Variants in TMEM74 observed in about 807,000 individuals in gnomAD.
The protein encoded by TMEM74 is transmembrane protein 74.
TMEM74 carries 13 observed loss-of-function variants against 18.1 expected under a neutral mutation model. That is an observed-to-expected ratio of 0.72 (90% confidence interval 0.47 to 1.14). The LOEUF (loss-of-function observed/expected upper bound fraction) is 1.14, where lower values mean the gene tolerates loss of function less well. TMEM74 is among the 50% of genes most tolerant of loss of function. The pLI is 0.00. For missense variants in TMEM74, 372 were observed against 375.9 expected, an observed-to-expected ratio of 0.99 and a Z score of 0.09; for synonymous variants, 159 against 146.6, an observed-to-expected ratio of 1.08 and a Z score of -0.61.
chr8:108,614,967 C>T (rs936942434), intron 2 of TMEM74, among the ~76,000 whole-genome samples: 1 of 152,066 alleles, frequency 6.6e-6, no homozygotes. Flanking sequence ...CTGCACCATA[C>T]TAATAAAAAC....
chr8:108,767,238 A>G (rs1289768889), intron 1 of TMEM74, among the ~76,000 whole-genome samples: 1 of 152,200 alleles, frequency 6.6e-6, no homozygotes, highest in East Asian at 1.9e-4. Context: ...AGAATTCAAC[A>G]ACAAAAGAGT....
chr8:108,713,790 G>T (rs1263595172), intron 1 of TMEM74, among the ~76,000 whole-genome samples: 1 of 152,186 alleles, frequency 6.6e-6, no homozygotes, highest in Non-Finnish European at 1.5e-5. Flanking sequence ...CAAGCCATCT[G>T]CAAGCTGGAG....
intron 1 of TMEM74, among the ~76,000 whole-genome samples, chr8:108,683,862 C>T (rs957925631): frequency 6.6e-6 from 1 of 152,024 alleles, no homozygotes; most frequent in Non-Finnish European, 1.5e-5. Context: ...GTTTAACTTT[C>T]GTTTGCTGGT....
chr8:108,743,830 C>T (rs1813824077), intron 1 of TMEM74, among the ~76,000 whole-genome samples: 1 of 152,180 alleles, frequency 6.6e-6, no homozygotes, highest in African/African-American at 2.4e-5. Flanking sequence ...TCCACAGCCT[C>T]TCACCTCCCT....
chr8:108,632,007 C>CCATG (rs1812557412), intron 2 of TMEM74, among the ~76,000 whole-genome samples: 1 of 151,972 alleles, frequency 6.6e-6, no homozygotes, highest in Admixed American at 6.6e-5. Context: ...GATTTTGTTC[C>CCATG]TACCCTCATG....
intron 2 of TMEM74, among the ~76,000 whole-genome samples, chr8:108,622,345 G>T (rs1377751565): frequency 2.0e-5 from 3 of 152,052 alleles, no homozygotes; most frequent in Non-Finnish European, 4.4e-5. Context: ...CAGATGAAGA[G>T]ACAGATTCAA....
intron 2 of TMEM74, among the ~76,000 whole-genome samples, chr8:108,624,968 T>C (rs1812480234): frequency 6.6e-6 from 1 of 152,076 alleles, no homozygotes; most frequent in African/African-American, 2.4e-5. Context: ...GAGAGAGCCA[T>C]ACTTACTTAA....
chr8:108,779,312 A>G lies in TMEM74; in HGVS notation c.*4869T>C, dbSNP rs960715119. Among the ~76,000 whole-genome samples the G allele has an allele frequency of 5.9e-5, 9 of 152,330 alleles. No individual in the cohort carries two copies. The highest frequency in any genetic ancestry group is 2.2e-4 in the African/African-American group (9 of 41,590). On this transcript the variant is annotated 3_prime_UTR_variant, in exon 2 of 2. Transcript: ENST00000297459. ...CTCAATACACAATATGTAATAATTA[A>G]TCTTTCTTTCTTATATGACATTTGT...
chr8:108,734,200 G>A (rs1339012698), intron 1 of TMEM74, among the ~76,000 whole-genome samples: 5 of 152,162 alleles, frequency 3.3e-5, no homozygotes, highest in East Asian at 1.9e-4. Context: ...CTCTCTCGGA[G>A]CTCGGACACA....
chr8:108,639,050 A>G, intron 2 of TMEM74, among the ~76,000 whole-genome samples: 1 of 152,122 alleles, frequency 6.6e-6, no homozygotes, highest in Non-Finnish European at 1.5e-5. Context: ...AGGAGCCAAG[A>G]TATCCCAAGC....
intron 1 of TMEM74, among the ~76,000 whole-genome samples, chr8:108,674,107 A>G (rs907960876): frequency 2.0e-5 from 3 of 152,102 alleles, no homozygotes; most frequent in Non-Finnish European, 4.4e-5. Context: ...CTTAGAGACT[A>G]TTGTTTCCAC....
At chr8:108,663,728 G>C (rs1269289868) in intron 1 of TMEM74, among the ~76,000 whole-genome samples, 1 of 152,114 alleles carries the variant, frequency 6.6e-6, no homozygotes, top group Non-Finnish European at 1.5e-5. Flanking sequence ...AACAGTGATA[G>C]GCTGGATAAA....
Position 108,615,620 on chromosome 8 carries a change from C to T in TMEM74, n.265-6794G>A, listed in dbSNP as rs115853925. On this transcript the variant is annotated intron_variant and non_coding_transcript_variant, in intron 2 of 3. Coordinates refer to the TMEM74 transcript ENST00000518838. ...TAGGAAGCATCCTGGAGATCAATAC[C>T]GGTGGAAGGGAGAAGAAGAAAACAG... 2.2e-3 allele frequency among the ~76,000 whole-genome samples: 329 copies of T among 151,956 alleles called. 2 individuals carry two copies. Among genetic ancestry groups the T allele is most frequent in the African/African-American group, 7.5e-3 (309 of 41,422 alleles).
chr8:108,786,685 A>G (rs1270957301), intron 1 of TMEM74, among the ~76,000 whole-genome samples: 1 of 152,228 alleles, frequency 6.6e-6, no homozygotes, highest in Admixed American at 6.5e-5. Flanking sequence ...AGGATCCCTC[A>G]ATGAATGAAG....
chr8:108,672,591 G>A (rs538403319), intron 1 of TMEM74, among the ~76,000 whole-genome samples: 3 of 152,162 alleles, frequency 2.0e-5, no homozygotes, highest in African/African-American at 7.2e-5. Flanking sequence ...TGTTTGTTCT[G>A]TGTGAAACTC....
intron 1 of TMEM74, among the ~76,000 whole-genome samples, chr8:108,687,316 C>G (rs1418780892): frequency 6.6e-6 from 1 of 150,606 alleles, no homozygotes; most frequent in Admixed American, 6.6e-5. Flanking sequence ...AATTTCTGCA[C>G]AAGGAAAGAT....
intron 1 of TMEM74, among the ~76,000 whole-genome samples, chr8:108,691,910 T>G (rs1813235876): frequency 6.6e-6 from 1 of 151,934 alleles, no homozygotes; most frequent in African/African-American, 2.4e-5. Context: ...ATATGTTGAT[T>G]CTGGGCAACA....
intron 1 of TMEM74, among the ~76,000 whole-genome samples, chr8:108,770,225 T>G (rs1814156476): frequency 7.2e-5 from 11 of 151,914 alleles, no homozygotes; most frequent in Admixed American, 7.2e-4. Context: ...AGCTACAGAG[T>G]GGGTCCACTG....
chr8:108,716,941 C>T (rs991793261), intron 1 of TMEM74, among the ~76,000 whole-genome samples: 1 of 151,676 alleles, frequency 6.6e-6, no homozygotes, highest in Non-Finnish European at 1.5e-5. Context: ...AATTTTAAAA[C>T]TCAATGAAAA....
Sources: gnomAD v4.1 joint callset for allele counts (sites outside exome capture counted in the v4.1 genomes callset) on GRCh38, gnomAD v4.1.1 for gene constraint, MANE v1.5 for transcripts, NCBI Gene and HGNC (gene_info 2026-07-23, HGNC 2026-07-21) for gene names.